IRAK4: variants seen among roughly 807,000 people sequenced by gnomAD.
The protein encoded by IRAK4 is interleukin-1 receptor-associated kinase 4.
IRAK4 carries 44 observed loss-of-function variants against 51.8 expected under a neutral mutation model. The observed-to-expected ratio is 0.85, with a 90% CI of 0.67 to 1.09. The LOEUF is 1.09. Ranked by LOEUF, IRAK4 falls within the 50% of genes least tolerant of loss-of-function variation. IRAK4 has a pLI of 0.00. For synonymous variants in IRAK4, 149 were observed against 174.1 expected (o/e 0.86, Z 1.13); for missense variants, 487 against 538.0 (o/e 0.91, Z 0.94).
intron 7 of IRAK4, 130 bp from the exon 8 acceptor site, chr12:43,778,063 T>A: frequency 1.5e-6 from 1 of 653,898 alleles, no homozygotes; most frequent in Non-Finnish European, 2.7e-6. Flanking sequence ...AACTTAAAAA[T>A]GTAGTCCTAA....
chr12:43,762,255 C>T (rs1325958718), intron 1 of IRAK4, among the ~76,000 whole-genome samples: 1 of 152,072 alleles, frequency 6.6e-6, no homozygotes, highest in Non-Finnish European at 1.5e-5. Flanking sequence ...GGAGGAGTTG[C>T]AGAAGGCCTT....
rs1940411478 is a variant in IRAK4, at chr12:43,768,504, A to G, written c.161+232A>G. The G allele has an allele frequency of 4.8e-5, 17 of 357,776 alleles. No individual in the cohort carries two copies. In the South Asian group the frequency reaches 1.3e-3, roughly 28 times the overall value. The allele number at this position is 357,776 out of a possible 1,614,324, so 22.2% of individuals were successfully genotyped here. ...CTCTCAAATAAGTTTTTTGGGTTAG[A>G]ATCAAGATTCCCACCTTTGCTGTGG... is the stretch of plus-strand genomic sequence containing the variant. On this transcript the variant is annotated intron_variant, in intron 2 of 11. Coordinates refer to ENST00000613694, the MANE Select transcript of IRAK4 (RefSeq NM_016123.4).
At position 43,786,762 on chromosome 12, in the gene IRAK4, A is replaced by G. The variant is rs1007292830; in HGVS notation, c.*47A>G. The G allele has an allele frequency of 3.3e-6, 5 of 1,503,652 alleles. No homozygotes were observed. In the African/African-American group the frequency reaches 4.1e-5, roughly 12 times the overall value. 93.1% of individuals were successfully genotyped at this position (1,503,652 alleles called of 1,614,324 possible). On this transcript the variant is annotated 3_prime_UTR_variant, in exon 12 of 12. Coordinates refer to ENST00000613694, the MANE Select transcript of IRAK4 (RefSeq NM_016123.4). ...TGACTTTTTATATACACCTATCTCA[A>G]CCATTTTTTTAACTGATTTTTTTCC...
intron 2 of IRAK4, among the ~76,000 whole-genome samples, chr12:43,770,120 CAG>C (rs1177637218): frequency 6.6e-6 from 1 of 152,024 alleles, no homozygotes; most frequent in Admixed American, 6.5e-5. Flanking sequence ...AGAGGAAAAA[CAG>C]AAAGAAACAA....
intron 6 of IRAK4, 103 bp from the exon 7 acceptor site, chr12:43,777,527 A>AT (rs1361331219): frequency 5.0e-6 from 5 of 994,300 alleles, no homozygotes; most frequent in South Asian, 2.0e-5. Flanking sequence ...ATAACATACT[A>AT]TTTTTTTGCT....
chr12:43,778,237 T>C lies in IRAK4; in HGVS notation c.876T>C (p.Ala292=). 1.2e-6 allele frequency: 2 copies of C among 1,612,196 alleles called. No homozygotes were observed. Among genetic ancestry groups the C allele is most frequent in the Non-Finnish European group, 1.7e-6 (2 of 1,178,298 alleles). The change falls in exon 8 of 12, where the codon GCT becomes GCC. Residue 292 remains alanine, a synonymous_variant. Coordinates refer to ENST00000613694, the MANE Select transcript of IRAK4 (RefSeq NM_016123.4). The part of the protein sequence containing the change: ...PLSWHMRCKI[A]QGAANGINFL... Reference sequence around the variant, plus strand: ...CTTGGCACATGAGATGCAAGATTGCTCAGGGTGCAGCTAATGGCATCAATT... The same window carrying C: ...CTTGGCACATGAGATGCAAGATTGCCCAGGGTGCAGCTAATGGCATCAATT...
intron 8 of IRAK4, 95 bp from the exon 9 acceptor site, chr12:43,782,212 A>G (rs3805199): frequency 0.025 from 19,045 of 761,334 alleles, 456 homozygotes; most frequent in South Asian, 0.069. Context: ...ATATACATAT[A>G]TACATGCATA....
intron 8 of IRAK4, among the ~76,000 whole-genome samples, chr12:43,780,708 A>C (rs1311915058): frequency 1.3e-5 from 2 of 151,504 alleles, no homozygotes; most frequent in Admixed American, 6.6e-5. Context: ...AGTAGCTTGG[A>C]TTACAGGCAT....
rs4251543 is a variant in IRAK4 at position 43,785,839 on chromosome 12, C to T, written c.1189-560C>T. Among the ~76,000 whole-genome samples, 1,237 of 151,858 alleles carry T rather than the reference C, an allele frequency of 8.1e-3. 19 individuals are homozygous for T. The highest frequency in any genetic ancestry group is 0.028 in the African/African-American group (1,155 of 41,392). ...AACGTATGCTATACAGCATAATACT[C>T]TCCTGAATACTGTAAGCAATTGTAA... On this transcript the variant is annotated intron_variant, in intron 10 of 11. Coordinates refer to ENST00000613694, the MANE Select transcript of IRAK4 (RefSeq NM_016123.4).
chr12:43,762,457 G>T lies in IRAK4; in HGVS notation c.-10+3441G>T, dbSNP rs546396988. Among the ~76,000 whole-genome samples the T allele has an allele frequency of 2.6e-5, 4 of 152,220 alleles. No individual in the cohort carries two copies. The East Asian group carries it at 5.8e-4, about 22-fold the overall frequency. ...CAATCATGTTGTACCTTACAGTAGA[G>T]AGAAATCTTAGTAAGGAAAAATAAC... is the stretch of plus-strand genomic sequence containing the variant. On this transcript the variant is annotated intron_variant, in intron 1 of 11. Transcript: ENST00000613694.
At chr12:43,760,612 C>T (rs1384612574) in intron 1 of IRAK4, among the ~76,000 whole-genome samples, 1 of 152,198 alleles carries the variant, frequency 6.6e-6, no homozygotes, top group Admixed American at 6.5e-5. Flanking sequence ...CAGTTCCAAC[C>T]TTTGCATTTA....
chr12:43,782,593 T>C, intron 9 of IRAK4, 103 bp downstream of exon 9: 1 of 981,190 alleles, frequency 1.0e-6, no homozygotes, highest in South Asian at 1.5e-5. Context: ...CTCTCTTATG[T>C]AACAATATAA....
intron 5 of IRAK4, among the ~76,000 whole-genome samples, chr12:43,773,292 T>A (rs1236307419): frequency 1.3e-5 from 2 of 152,168 alleles, no homozygotes; most frequent in Non-Finnish European, 2.9e-5. Flanking sequence ...AGATCATACA[T>A]ACAATTTTGG....
intron 1 of IRAK4, among the ~76,000 whole-genome samples, chr12:43,759,817 G>A (rs1041127851): frequency 2.7e-5 from 4 of 148,608 alleles, no homozygotes; most frequent in Admixed American, 2.0e-4. Flanking sequence ...GCAGTGAGCC[G>A]AGATCGTGCC....
intron 2 of IRAK4, among the ~76,000 whole-genome samples, chr12:43,769,228 A>G (rs1940490905): frequency 6.6e-6 from 1 of 152,194 alleles, no homozygotes; most frequent in African/African-American, 2.4e-5. Flanking sequence ...AATTGTGAAA[A>G]GAATGGTAGA....
Position 43,773,981 on chromosome 12 carries a change from C to A in IRAK4, c.668C>A (p.Thr223Asn). The A allele has an allele frequency of 6.2e-7, 1 of 1,605,226 alleles. No homozygotes were observed. The highest frequency in any genetic ancestry group is 8.5e-7 in the Non-Finnish European group (1 of 1,172,894). ...TTTTTTCAGATGGTTGACATTACTACTGAAGAACTGAAACAGCAGTTTGAT... is the reference window on the plus strand; with the variant it reads ...TTTTTTCAGATGGTTGACATTACTAATGAAGAACTGAAACAGCAGTTTGAT... ...KKLAAMVDIT[T>N]EELKQQFDQE... is the part of the protein sequence containing the mutation. The change falls in exon 6 of 12, where the codon ACT becomes AAT. Residue 223 changes from threonine (T) to asparagine (N), a missense_variant. Transcript: ENST00000613694.
At chr12:43,785,673 T>C (rs2138078957) in intron 10 of IRAK4, among the ~76,000 whole-genome samples, 1 of 150,374 alleles carries the variant, frequency 6.7e-6, no homozygotes, top group Middle Eastern at 3.5e-3. Context: ...CAGCCATGTG[T>C]TGCCTAATGA....
chr12:43,783,371 G>T (rs1211483936), intron 9 of IRAK4, among the ~76,000 whole-genome samples: 3 of 152,066 alleles, frequency 2.0e-5, no homozygotes, highest in Non-Finnish European at 4.4e-5. Flanking sequence ...AGACTGAAGT[G>T]CAGTGGTGGA....
chr12:43,784,882 A>T (rs2138070948), intron 10 of IRAK4, among the ~76,000 whole-genome samples: 1 of 152,340 alleles, frequency 6.6e-6, no homozygotes, highest in Non-Finnish European at 1.5e-5. Context: ...GTTGTCAAAC[A>T]TTTTCAGAAT....
Sources: allele counts gnomAD v4.1 joint callset (sites outside exome capture counted in the v4.1 genomes callset), GRCh38; gene constraint gnomAD v4.1.1; transcripts MANE v1.5; gene names NCBI Gene and HGNC (gene_info 2026-07-23, HGNC 2026-07-21).